ROBO2: variants seen among roughly 807,000 people sequenced by gnomAD.
ROBO2 encodes the protein roundabout guidance receptor 2.
Under a neutral mutation model 160.8 loss-of-function variants are expected in ROBO2, and 53 were observed. The observed-to-expected ratio is 0.33, with a 90% CI of 0.26 to 0.41. The LOEUF is 0.41. ROBO2 is among the 10% of genes least tolerant of loss of function. The pLI is 1.00. For synonymous variants in ROBO2, 664 were observed against 611.7 expected (o/e 1.09, Z -1.26); for missense variants, 1,577 against 1,722.4 (o/e 0.92, Z 1.49).
chr3:76,561,161 C>T (rs1159738876), intron 2 of ROBO2, among the ~76,000 whole-genome samples: 1 of 151,558 alleles, frequency 6.6e-6, no homozygotes, highest in Non-Finnish European at 1.5e-5. Context: ...CCAACCTTAA[C>T]TAGATAACGT....
At chr3:77,301,962 G>A (rs934269340) in intron 2 of ROBO2, among the ~76,000 whole-genome samples, 1 of 151,812 alleles carries the variant, frequency 6.6e-6, no homozygotes, top group South Asian at 2.1e-4. Flanking sequence ...GAGTGCAGTG[G>A]CACAGTCATG....
intron 2 of ROBO2, among the ~76,000 whole-genome samples, chr3:76,226,550 C>A (rs1231028346): frequency 6.6e-6 from 1 of 152,104 alleles, no homozygotes; most frequent in African/African-American, 2.4e-5. Flanking sequence ...GAATTCTATG[C>A]AAAGTTTGGA....
At chr3:76,002,098 AAAT>A (rs1182550574) in intron 2 of ROBO2, among the ~76,000 whole-genome samples, 1 of 152,132 alleles carries the variant, frequency 6.6e-6, no homozygotes, top group African/African-American at 2.4e-5. Context: ...TCCCTTCAGC[AAAT>A]AATGAGGCGG....
chr3:76,456,951 C>T (rs1278061750), intron 2 of ROBO2, among the ~76,000 whole-genome samples: 1 of 152,092 alleles, frequency 6.6e-6, no homozygotes, highest in Non-Finnish European at 1.5e-5. Context: ...GAAGACTGGC[C>T]CCCATGATTC....
chr3:77,495,854 A>T (rs760204530), intron 5 of ROBO2, among the ~76,000 whole-genome samples: 1 of 152,184 alleles, frequency 6.6e-6, no homozygotes, highest in Non-Finnish European at 1.5e-5. Context: ...GCATTTTAAC[A>T]TGTCTATGTT....
intron 2 of ROBO2, among the ~76,000 whole-genome samples, chr3:77,295,527 T>A (rs10746536): frequency 6.9e-6 from 1 of 144,716 alleles, no homozygotes; most frequent in South Asian, 2.2e-4. Context: ...GACGGTTAAA[T>A]GGGTAAGCTG....
chr3:77,514,076 G>GGTAT (rs2089724872), intron 5 of ROBO2, among the ~76,000 whole-genome samples: 4 of 151,342 alleles, frequency 2.6e-5, no homozygotes, highest in Non-Finnish European at 5.9e-5. Context: ...TTTAATTACA[G>GGTAT]CCAATGATAC....
intron 2 of ROBO2, among the ~76,000 whole-genome samples, chr3:76,398,220 C>G (rs1022965652): frequency 1.3e-5 from 2 of 149,598 alleles, no homozygotes; most frequent in Non-Finnish European, 3.0e-5. Context: ...TAAACTATCG[C>G]AAGGAGAAAA....
chr3:76,264,773 A>G (rs190031518), intron 2 of ROBO2, among the ~76,000 whole-genome samples: 24 of 152,264 alleles, frequency 1.6e-4, no homozygotes, highest in African/African-American at 5.3e-4. Flanking sequence ...CCTGTGTAGT[A>G]GTAGCCCATA....
chr3:77,272,063 T>C (rs2059525363), intron 2 of ROBO2, among the ~76,000 whole-genome samples: 1 of 152,210 alleles, frequency 6.6e-6, no homozygotes, highest in Admixed American at 6.5e-5. Flanking sequence ...TTTTACACCA[T>C]GTGAGTAAAA....
At chr3:76,439,075 C>G (rs1157639361) in intron 2 of ROBO2, among the ~76,000 whole-genome samples, 1 of 151,852 alleles carries the variant, frequency 6.6e-6, no homozygotes, top group Admixed American at 6.6e-5. Context: ...TAGAGAATAA[C>G]CACAAAGAAA....
At chr3:77,388,399 A>C (rs1221489155) in intron 2 of ROBO2, among the ~76,000 whole-genome samples, 1 of 152,140 alleles carries the variant, frequency 6.6e-6, no homozygotes, top group African/African-American at 2.4e-5. Flanking sequence ...TAGGCAACAG[A>C]GTGAAACCTT....
chr3:76,996,611 A>T (rs1171024644), intron 2 of ROBO2, among the ~76,000 whole-genome samples: 2 of 105,110 alleles, frequency 1.9e-5, no homozygotes, highest in Non-Finnish European at 3.8e-5. Context: ...ATTTGTTTGT[A>T]TCCTCTTTTT....
At chr3:76,840,973 CT>C (rs1472677672) in intron 2 of ROBO2, among the ~76,000 whole-genome samples, 1 of 152,066 alleles carries the variant, frequency 6.6e-6, no homozygotes, top group Non-Finnish European at 1.5e-5. Flanking sequence ...AAGCCTATCT[CT>C]ATCTGAGTGG....
chr3:77,021,424 C>T (rs2062630520), intron 2 of ROBO2, among the ~76,000 whole-genome samples: 1 of 152,038 alleles, frequency 6.6e-6, no homozygotes, highest in African/African-American at 2.4e-5. Context: ...CCTCAAAGTA[C>T]ACAAAAAACT....
At chr3:77,218,183 C>T (rs771404637) in intron 2 of ROBO2, among the ~76,000 whole-genome samples, 2 of 152,100 alleles carry the variant, frequency 1.3e-5, no homozygotes, top group Non-Finnish European at 2.9e-5. Context: ...TGGATGCTTT[C>T]ACTGGACTGG....
At chr3:77,580,732 T>C (rs1036347342) in intron 16 of ROBO2, among the ~76,000 whole-genome samples, 1 of 152,198 alleles carries the variant, frequency 6.6e-6, no homozygotes, top group Non-Finnish European at 1.5e-5. Flanking sequence ...TATGTATTAT[T>C]CAGTTTATAT....
chr3:76,054,079 A>T (rs1194443428), intron 2 of ROBO2, among the ~76,000 whole-genome samples: 2 of 152,080 alleles, frequency 1.3e-5, no homozygotes, highest in African/African-American at 4.8e-5. Context: ...TTATGTCTTT[A>T]TGGAAATATG....
chr3:77,491,791 A>G (rs2086149103), intron 4 of ROBO2, among the ~76,000 whole-genome samples: 1 of 152,106 alleles, frequency 6.6e-6, no homozygotes, highest in Non-Finnish European at 1.5e-5. Context: ...GGGATTTTTG[A>G]GTCCCAGAGT....
Sources: gnomAD v4.1 joint callset for allele counts (sites outside exome capture counted in the v4.1 genomes callset) on GRCh38, gnomAD v4.1.1 for gene constraint, MANE v1.5 for transcripts, NCBI Gene and HGNC (gene_info 2026-07-23, HGNC 2026-07-21) for gene names.